The following INPP4B variants were observed in gnomAD, a reference collection of about 807,000 sequenced individuals.
The protein encoded by INPP4B is inositol polyphosphate-4-phosphatase type II B.
INPP4B carries 55 observed loss-of-function variants against 122.5 expected under a neutral mutation model. The observed-to-expected ratio is 0.45, with a 90% CI of 0.36 to 0.56. The LOEUF is 0.56. Ranked by LOEUF, INPP4B falls within the 20% of genes least tolerant of loss-of-function variation. The pLI is 0.00. For synonymous variants in INPP4B, 403 were observed against 388.7 expected (o/e 1.04, Z -0.43); for missense variants, 1,000 against 1,097.7 (o/e 0.91, Z 1.26).
chr4:142,458,948 T>C (rs1347066800), intron 3 of INPP4B, among the ~76,000 whole-genome samples: 1 of 152,200 alleles, frequency 6.6e-6, no homozygotes, highest in African/African-American at 2.4e-5. Context: ...CTCACTGTGC[T>C]GCAGAGCCTG....
At chr4:142,690,587 T>G (rs184677267) in intron 2 of INPP4B, among the ~76,000 whole-genome samples, 2 of 152,086 alleles carry the variant, frequency 1.3e-5, no homozygotes, top group Non-Finnish European at 2.9e-5. Flanking sequence ...CAATTTAACA[T>G]TGAAACAATC....
At chr4:142,208,642 T>A (rs1843551690) in intron 13 of INPP4B, 113 bp from the exon 14 acceptor site, 1 of 587,174 alleles carries the variant, frequency 1.7e-6, no homozygotes, top group Non-Finnish European at 2.8e-6. Flanking sequence ...GAAAAACATA[T>A]CCTATATTTA....
intron 2 of INPP4B, among the ~76,000 whole-genome samples, chr4:142,526,415 T>C (rs1452728229): frequency 6.6e-6 from 1 of 151,976 alleles, no homozygotes; most frequent in Admixed American, 6.6e-5. Flanking sequence ...GAAGTGGAGG[T>C]GGCGAAATGA....
intron 1 of INPP4B, among the ~76,000 whole-genome samples, chr4:142,790,297 A>G (rs2151061213): frequency 6.6e-6 from 1 of 152,278 alleles, no homozygotes; most frequent in East Asian, 1.9e-4. Flanking sequence ...GTGGGAGAAA[A>G]TCTTCACAAT....
intron 1 of INPP4B, among the ~76,000 whole-genome samples, chr4:142,754,661 C>G (rs1770241013): frequency 6.6e-6 from 1 of 151,942 alleles, no homozygotes; most frequent in Non-Finnish European, 1.5e-5. Flanking sequence ...AACCTTAAAA[C>G]TATATGCATA....
At chr4:142,320,861 T>C (rs1769736656) in intron 7 of INPP4B, among the ~76,000 whole-genome samples, 1 of 152,220 alleles carries the variant, frequency 6.6e-6, no homozygotes, top group African/African-American at 2.4e-5. Flanking sequence ...TTTCTTTATC[T>C]ACTCATTGAT....
intron 14 of INPP4B, among the ~76,000 whole-genome samples, chr4:142,202,083 T>C (rs1474362670): frequency 5.3e-5 from 8 of 152,080 alleles, no homozygotes; most frequent in Non-Finnish European, 1.2e-4. Context: ...AAATTGTCTT[T>C]GGCTTTGTGA....
At chr4:142,658,906 A>T (rs1260982059) in intron 2 of INPP4B, among the ~76,000 whole-genome samples, 2 of 152,188 alleles carry the variant, frequency 1.3e-5, no homozygotes, top group Admixed American at 6.5e-5. Context: ...CAGGTGTTTG[A>T]AGATACAAAC....
At chr4:142,119,812 C>T (rs1795703080) in intron 21 of INPP4B, among the ~76,000 whole-genome samples, 1 of 46,432 alleles carries the variant, frequency 2.2e-5, no homozygotes, top group African/African-American at 3.9e-5. Context: ...CACACACACA[C>T]ACACACACAC....
intron 7 of INPP4B, among the ~76,000 whole-genome samples, chr4:142,339,807 T>C (rs1778055695): frequency 6.6e-6 from 1 of 152,236 alleles, no homozygotes; most frequent in Non-Finnish European, 1.5e-5. Flanking sequence ...TTTTGATGCT[T>C]ATTCATCTAT....
chr4:142,609,236 G>C (rs946540323), intron 2 of INPP4B, among the ~76,000 whole-genome samples: 2 of 151,322 alleles, frequency 1.3e-5, no homozygotes. Flanking sequence ...ACTTATTTAT[G>C]TTTATTGTAA....
chr4:142,120,615 A>G (rs1482646640), intron 21 of INPP4B, among the ~76,000 whole-genome samples: 1 of 152,062 alleles, frequency 6.6e-6, no homozygotes, highest in Non-Finnish European at 1.5e-5. Context: ...ACCATTTCTG[A>G]CAACTTTCAG....
chr4:142,313,590 T>C (rs1766370668), intron 8 of INPP4B, among the ~76,000 whole-genome samples: 1 of 152,122 alleles, frequency 6.6e-6, no homozygotes, highest in African/African-American at 2.4e-5. Flanking sequence ...CCTGTGTCTG[T>C]GGAGGTCTGA....
chr4:142,171,602 G>T (rs1825667695), intron 16 of INPP4B, among the ~76,000 whole-genome samples: 1 of 151,782 alleles, frequency 6.6e-6, no homozygotes, highest in Non-Finnish European at 1.5e-5. Context: ...TACTAACAGT[G>T]CTCATAGACT....
chr4:142,568,768 C>A (rs967879204), intron 2 of INPP4B, among the ~76,000 whole-genome samples: 1 of 152,008 alleles, frequency 6.6e-6, no homozygotes, highest in South Asian at 2.1e-4. Flanking sequence ...TACAATTTAG[C>A]GCCACTCAGG....
At chr4:142,199,678 C>T (rs1217260828) in intron 14 of INPP4B, among the ~76,000 whole-genome samples, 1 of 152,014 alleles carries the variant, frequency 6.6e-6, no homozygotes, top group Non-Finnish European at 1.5e-5. Context: ...ATAATCTTGA[C>T]ATTTTTGAAG....
At chr4:142,355,206 T>C (rs1188314958) in intron 7 of INPP4B, among the ~76,000 whole-genome samples, 15 of 152,010 alleles carry the variant, frequency 9.9e-5, no homozygotes, top group African/African-American at 3.6e-4. Context: ...TTGCATTCTA[T>C]CAAAGCAAGT....
intron 12 of INPP4B, among the ~76,000 whole-genome samples, chr4:142,226,243 T>TACAC (rs147387378): frequency 1.3e-5 from 2 of 151,166 alleles, no homozygotes; most frequent in Admixed American, 1.3e-4. Flanking sequence ...CACATATAAG[T>TACAC]ACACACACAC....
intron 14 of INPP4B, among the ~76,000 whole-genome samples, chr4:142,195,834 A>G (rs764951509): frequency 2.6e-5 from 4 of 152,218 alleles, no homozygotes; most frequent in Non-Finnish European, 5.9e-5. Flanking sequence ...AAGCATATTT[A>G]TAATTCCTTG....
Sources: allele counts gnomAD v4.1 joint callset (sites outside exome capture counted in the v4.1 genomes callset), GRCh38; gene constraint gnomAD v4.1.1; transcripts MANE v1.5; gene names NCBI Gene and HGNC (gene_info 2026-07-23, HGNC 2026-07-21).